GRM5: variants seen among roughly 807,000 people sequenced by gnomAD.
GRM5 encodes metabotropic glutamate receptor 5.
Under a neutral mutation model 83.1 loss-of-function variants are expected in GRM5, and 19 were observed. That is an observed-to-expected ratio of 0.23 (90% CI 0.16 to 0.34). The LOEUF (loss-of-function observed/expected upper bound fraction) is 0.34, where lower values mean the gene tolerates loss of function less well. Among genes scored for constraint, GRM5 ranks in the 10% least tolerant of loss-of-function variants. The pLI, the probability that GRM5 is intolerant of heterozygous loss-of-function variation, is 1.00. For synonymous variants in GRM5, 675 were observed against 633.6 expected (o/e 1.07, Z -0.98); for missense variants, 1,160 against 1,588.3 (o/e 0.73, Z 4.58).
At chr11:88,855,798 A>T (rs1322770589) in intron 2 of GRM5, among the ~76,000 whole-genome samples, 4 of 151,936 alleles carry the variant, frequency 2.6e-5, no homozygotes, top group African/African-American at 9.7e-5. Flanking sequence ...ATGTATTTAC[A>T]TATCCTTCTT....
chr11:88,506,743 G>C lies in GRM5; in HGVS notation c.*1849C>G, dbSNP rs1941192668. ...AATAGCAGAAAAGAAAACTCAAGCA[G>C]AATATTTATTAGAATTTTTTAAAGT... is the stretch of plus-strand genomic sequence containing the variant. On this transcript the variant is annotated 3_prime_UTR_variant, in exon 10 of 10. Transcript: ENST00000305447. 6.6e-6 allele frequency: 1 copy of C among 152,008 alleles called. No homozygotes were observed. The highest frequency in any genetic ancestry group is 2.1e-4 in the South Asian group (1 of 4,832). 9.4% of individuals were successfully genotyped at this position (152,008 alleles called of 1,614,324 possible).
chr11:88,937,937 C>T (rs1290078851), intron 2 of GRM5, among the ~76,000 whole-genome samples: 1 of 151,620 alleles, frequency 6.6e-6, no homozygotes, highest in African/African-American at 2.4e-5. Context: ...TTAGATAGCA[C>T]AGTTGAATTA....
chr11:88,946,638 C>A (rs780749722), intron 2 of GRM5, among the ~76,000 whole-genome samples: 1 of 151,874 alleles, frequency 6.6e-6, no homozygotes, highest in Non-Finnish European at 1.5e-5. Flanking sequence ...ATAACGATGG[C>A]GATAATAGAA....
At chr11:88,739,641 C>T (rs190930895) in intron 3 of GRM5, among the ~76,000 whole-genome samples, 2 of 152,110 alleles carry the variant, frequency 1.3e-5, no homozygotes, top group Admixed American at 1.3e-4. Context: ...CGAGTGAATT[C>T]TCACGAGACT....
intron 2 of GRM5, among the ~76,000 whole-genome samples, chr11:88,945,412 C>CA (rs1384989111): frequency 6.6e-6 from 1 of 151,558 alleles, no homozygotes; most frequent in African/African-American, 2.4e-5. Flanking sequence ...TCATATGGAA[C>CA]AAAAAAAGAG....
intron 3 of GRM5, among the ~76,000 whole-genome samples, chr11:88,694,894 T>A (rs1940864957): frequency 6.6e-6 from 1 of 152,154 alleles, no homozygotes; most frequent in Non-Finnish European, 1.5e-5. Flanking sequence ...CACAGATAAT[T>A]TTTGAAGAAG....
chr11:88,688,251 A>G (rs1940695400), intron 3 of GRM5, among the ~76,000 whole-genome samples: 1 of 152,218 alleles, frequency 6.6e-6, no homozygotes, highest in Admixed American at 6.5e-5. Flanking sequence ...TAAATAGTGG[A>G]TAAAATATAG....
At chr11:88,895,276 A>T (rs529995895) in intron 2 of GRM5, among the ~76,000 whole-genome samples, 1 of 152,128 alleles carries the variant, frequency 6.6e-6, no homozygotes, top group South Asian at 2.1e-4. Context: ...TTTTTGAAAT[A>T]GTTTCCTCAT....
chr11:88,785,137 G>A (rs1943043972), intron 3 of GRM5, among the ~76,000 whole-genome samples: 1 of 152,064 alleles, frequency 6.6e-6, no homozygotes, highest in South Asian at 2.1e-4. Flanking sequence ...AGTGGAGGTG[G>A]AGTGTATGGG....
chr11:88,833,427 A>G (rs1944034471), intron 3 of GRM5, among the ~76,000 whole-genome samples: 1 of 152,164 alleles, frequency 6.6e-6, no homozygotes, highest in Non-Finnish European at 1.5e-5. Context: ...TCAAAACCAC[A>G]GTGAGGTATC....
chr11:89,003,425 G>A (rs1290305333), intron 2 of GRM5, among the ~76,000 whole-genome samples: 1 of 152,036 alleles, frequency 6.6e-6, no homozygotes, highest in Admixed American at 6.6e-5. Flanking sequence ...GCAGGGTGAG[G>A]GGGGAAGATA....
intron 2 of GRM5, among the ~76,000 whole-genome samples, chr11:88,952,492 G>A (rs639550): frequency 0.85 from 129,177 of 152,084 alleles, 57,543 homozygotes; most frequent in Non-Finnish European, 0.97. Context: ...CATTCAATGA[G>A]TATTGGTTGA....
intron 7 of GRM5, among the ~76,000 whole-genome samples, chr11:88,585,988 G>T (rs1462986732): frequency 2.6e-5 from 4 of 151,686 alleles, no homozygotes; most frequent in Admixed American, 2.6e-4. Context: ...ACCTAATTCT[G>T]GTGTTCCTAA....
At chr11:89,041,604 G>A (rs2135142012) in intron 2 of GRM5, among the ~76,000 whole-genome samples, 1 of 152,306 alleles carries the variant, frequency 6.6e-6, no homozygotes, top group East Asian at 1.9e-4. Context: ...TATTTACTGA[G>A]TCCATAGACT....
intron 3 of GRM5, among the ~76,000 whole-genome samples, chr11:88,760,292 T>C (rs1180461868): frequency 2.6e-5 from 4 of 151,650 alleles, no homozygotes; most frequent in Non-Finnish European, 5.9e-5. Context: ...GAGTTGGTTT[T>C]TTCAGAAATA....
chr11:88,586,605 G>GGAATAGCT (rs1943320385), intron 7 of GRM5, among the ~76,000 whole-genome samples: 1 of 152,124 alleles, frequency 6.6e-6, no homozygotes, highest in South Asian at 2.1e-4. Context: ...GGCAGGCTTT[G>GGAATAGCT]GAATAGCTGA....
At chr11:88,656,696 C>T (rs1939775127) in intron 3 of GRM5, among the ~76,000 whole-genome samples, 1 of 151,982 alleles carries the variant, frequency 6.6e-6, no homozygotes, top group African/African-American at 2.4e-5. Flanking sequence ...CTGTAATATA[C>T]ATAGAAAATA....
At chr11:88,969,333 T>G (rs1309744202) in intron 2 of GRM5, among the ~76,000 whole-genome samples, 2 of 152,076 alleles carry the variant, frequency 1.3e-5, no homozygotes, top group African/African-American at 4.8e-5. Context: ...GGGGACAGTA[T>G]TTTTATACCC....
Position 88,687,588 on chromosome 11 carries a change from A to AT in GRM5, c.912-34186dup, listed in dbSNP as rs1469176299. 1.1e-3 allele frequency among the ~76,000 whole-genome samples: 93 copies of AT among 81,386 alleles called. 1 individual carries two copies. Among genetic ancestry groups the AT allele is most frequent in the Admixed American group, 7.3e-3 (36 of 4,944 alleles). 53.4% of individuals were successfully genotyped at this position (81,386 alleles called of 152,430 possible). On this transcript the variant is annotated intron_variant, in intron 3 of 9. Transcript: ENST00000305447. ...ATATATATATATATATAATATATAT[A>AT]TATATATATTCTCCACATGTGCCTA...
Sources: allele counts gnomAD v4.1 joint callset (sites outside exome capture counted in the v4.1 genomes callset), GRCh38; gene constraint gnomAD v4.1.1; transcripts MANE v1.5; gene names NCBI Gene and HGNC (gene_info 2026-07-23, HGNC 2026-07-21).